Variants in DIRAS2 observed in about 807,000 individuals in gnomAD.
The protein encoded by DIRAS2 is GTP-binding protein Di-Ras2.
In DIRAS2, 5 loss-of-function variants were observed where a neutral mutation model predicts 13.9. That is an observed-to-expected ratio of 0.36 (90% confidence interval 0.19 to 0.76). The LOEUF (loss-of-function observed/expected upper bound fraction) is 0.76. DIRAS2 is among the 30% of genes least tolerant of loss of function. The pLI is 0.53. For synonymous variants in DIRAS2, 111 were observed against 105.4 expected, an observed-to-expected ratio of 1.05 and a Z score of -0.33; for missense variants, 191 against 263.0, an observed-to-expected ratio of 0.73 and a Z score of 1.89.
In DIRAS2 at chr9:90,613,711, C is replaced by T; in HGVS notation, c.117G>A (p.Thr39=). The part of the protein sequence containing the change: ...KGTFRESYIP[T]VEDTYRQVIS... ...TCACTTGCCGGTAGGTGTCTTCCAC[C>T]GTCGGGATGTAGCTCTCCCGGAATG... Residue 39 remains threonine (T), a synonymous_variant, in exon 2 of 2, where the codon ACG becomes ACA. Coordinates refer to ENST00000375765, the MANE Select transcript of DIRAS2 (RefSeq NM_017594.5). The surrounding 1 kb of genome is among the most constrained non-coding windows in gnomAD (Gnocchi z 5.6). 1 of 1,614,082 alleles carries T rather than the reference C, an allele frequency of 6.2e-7. No homozygotes were observed. The highest frequency in any genetic ancestry group is 1.1e-5 in the South Asian group (1 of 91,070).
chr9:90,628,661 T>G (rs56703823), intron 1 of DIRAS2, among the ~76,000 whole-genome samples: 15,469 of 152,004 alleles, frequency 0.1, 1,446 homozygotes, highest in African/African-American at 0.25. Context: ...TCCTCCCACC[T>G]TAGCATCCAC....
chr9:90,614,305 AATGT>A (rs1310820857), intron 1 of DIRAS2, among the ~76,000 whole-genome samples: 2 of 112,442 alleles, frequency 1.8e-5, no homozygotes, highest in African/African-American at 6.7e-5. Context: ...TGGTCATCAT[AATGT>A]GTGTGTGTGT....
chr9:90,614,451 A>G (rs141675536), intron 1 of DIRAS2, among the ~76,000 whole-genome samples: 1 of 152,134 alleles, frequency 6.6e-6, no homozygotes, highest in East Asian at 1.9e-4. Flanking sequence ...ACTCTGCAGG[A>G]GTTGGTGCCA....
intron 1 of DIRAS2, among the ~76,000 whole-genome samples, chr9:90,620,741 CAA>C (rs577185569): frequency 3.0e-5 from 4 of 132,138 alleles, no homozygotes; most frequent in Non-Finnish European, 1.6e-5. Context: ...TCCGCTGTCT[CAA>C]AAAAAAAAAG....
intron 1 of DIRAS2, among the ~76,000 whole-genome samples, chr9:90,614,494 C>A (rs1390353156): frequency 1.3e-5 from 2 of 152,064 alleles, no homozygotes; most frequent in South Asian, 2.1e-4. Context: ...AAACTGGAAA[C>A]AAGGAAGAGA....
intron 1 of DIRAS2, among the ~76,000 whole-genome samples, chr9:90,614,802 G>T (rs1175280190): frequency 6.6e-6 from 1 of 152,112 alleles, no homozygotes; most frequent in Non-Finnish European, 1.5e-5. Flanking sequence ...CTTTTTAAGG[G>T]TCATTAAAAA....
At chr9:90,625,771 C>A (rs1825262726) in intron 1 of DIRAS2, 1 of 152,138 alleles carries the variant, frequency 6.6e-6, no homozygotes, top group Non-Finnish European at 1.5e-5. Flanking sequence ...CTTTGTACTT[C>A]TTTTTCAAGA....
chr9:90,614,306 A>ATGTGTGTGTGTGTGTG (rs34548591), intron 1 of DIRAS2, among the ~76,000 whole-genome samples: 11 of 134,918 alleles, frequency 8.2e-5, no homozygotes, highest in Middle Eastern at 7.0e-3. Context: ...GGTCATCATA[A>ATGTGTGTGTGTGTGTG]TGTGTGTGTG....
intron 1 of DIRAS2, among the ~76,000 whole-genome samples, chr9:90,630,863 C>T (rs767892979): frequency 5.3e-5 from 8 of 152,172 alleles, no homozygotes; most frequent in Admixed American, 2.0e-4. Flanking sequence ...ATAGAGACAG[C>T]GTTTTGGAAA....
chr9:90,636,317 C>T (rs1198982262), intron 1 of DIRAS2, among the ~76,000 whole-genome samples: 1 of 152,038 alleles, frequency 6.6e-6, no homozygotes, highest in African/African-American at 2.4e-5. Flanking sequence ...GGATTATAGG[C>T]GTGAGCTACC....
intron 1 of DIRAS2, among the ~76,000 whole-genome samples, chr9:90,620,724 G>A (rs978421674): frequency 4.6e-5 from 7 of 151,650 alleles, no homozygotes; most frequent in African/African-American, 1.7e-4. Context: ...CTCTGACAGA[G>A]TGAGACTCCG....
intron 1 of DIRAS2, among the ~76,000 whole-genome samples, chr9:90,625,085 T>C (rs1488745967): frequency 2.0e-5 from 3 of 152,262 alleles, no homozygotes; most frequent in Admixed American, 1.3e-4. Context: ...CAATGACCGA[T>C]GCAGCATGCT....
chr9:90,613,525 G>A lies in DIRAS2; in HGVS notation c.303C>T (p.Tyr101=). The change falls in exon 2 of 2, where the codon TAC becomes TAT. Residue 101 remains tyrosine, a synonymous_variant. Coordinates refer to ENST00000375765, the MANE Select transcript of DIRAS2 (RefSeq NM_017594.5). The surrounding 1 kb of genome is among the most constrained non-coding windows in gnomAD (Gnocchi z 5.6). ...RQSLEELKPI[Y]EQICEIKGDV... Reference sequence around the variant, plus strand: ...CCCCTTTGATCTCGCAGATTTGTTCGTAGATGGGCTTGAGCTCCTCCAAGG... The same window carrying A: ...CCCCTTTGATCTCGCAGATTTGTTCATAGATGGGCTTGAGCTCCTCCAAGG... 2.5e-6 allele frequency: 4 copies of A among 1,614,090 alleles called. No individual in the cohort carries two copies. Among genetic ancestry groups the A allele is most frequent in the Non-Finnish European group, 3.4e-6 (4 of 1,180,026 alleles).
At position 90,613,484 on chromosome 9, in the gene DIRAS2, G is replaced by A; in HGVS notation, c.344C>T (p.Pro115Leu). 1 of 1,614,020 alleles carries A rather than the reference G, an allele frequency of 6.2e-7. No individual in the cohort carries two copies. The highest frequency in any genetic ancestry group is 8.5e-7 in the Non-Finnish European group (1 of 1,179,998). ...CEIKGDVESI[P>L]IMLVGNKCDE... ...ACACTTGTTCCCCACCAGCATGATGGGGATGCTCTCCACGTCCCCTTTGAT... is the reference window on the plus strand; with the variant it reads ...ACACTTGTTCCCCACCAGCATGATGAGGATGCTCTCCACGTCCCCTTTGAT... Residue 115 changes from proline (P) to leucine (L), a missense_variant, in exon 2 of 2, where the codon CCC becomes CTC. Physicochemically the swap from Pro to Leu is moderately conservative, Grantham distance 98. Transcript: ENST00000375765. The surrounding 1 kb of genome is among the most constrained non-coding windows in gnomAD (Gnocchi z 5.6).
chr9:90,622,483 T>C (rs1280513518), intron 1 of DIRAS2, among the ~76,000 whole-genome samples: 3 of 151,276 alleles, frequency 2.0e-5, no homozygotes, highest in African/African-American at 7.3e-5. Context: ...TTCCTCTAAC[T>C]CTTAGCTGCC....
In DIRAS2 at chr9:90,617,670, T is replaced by C. The variant is rs551610239; in HGVS notation, c.-36-3807A>G. Among the ~76,000 whole-genome samples, 226 of 152,254 alleles carry C rather than the reference T, an allele frequency of 1.5e-3. 2 individuals are homozygous for C. Among genetic ancestry groups the C allele is most frequent in the Non-Finnish European group, 1.9e-3 (126 of 68,014 alleles). On this transcript the variant is annotated intron_variant, in intron 1 of 1. Coordinates refer to ENST00000375765, the MANE Select transcript of DIRAS2 (RefSeq NM_017594.5). ...ATAAGGGGTTCATAAAGGAGCAGTA[T>C]GATGGACAAGGAGAAAAATTCACAA...
At chr9:90,624,219 G>A (rs1825247329) in intron 1 of DIRAS2, among the ~76,000 whole-genome samples, 2 of 152,154 alleles carry the variant, frequency 1.3e-5, no homozygotes, top group African/African-American at 4.8e-5. Flanking sequence ...CTTTAGGTAG[G>A]AAAGTGTACT....
At chr9:90,628,555 AT>A (rs933909516) in intron 1 of DIRAS2, among the ~76,000 whole-genome samples, 16 of 149,320 alleles carry the variant, frequency 1.1e-4, no homozygotes, top group African/African-American at 3.7e-4. Flanking sequence ...ACACACACGT[AT>A]TTTTTTTGAG....
rs758782883 is a variant in DIRAS2, at chr9:90,613,556, C to T, written c.272G>A (p.Arg91Gln). ...AFILVYSITS[R>Q]QSLEELKPIY... ...GGGCTTGAGCTCCTCCAAGGACTGTCGGCTGGTAATGGAGTACACCAGGAT... is the reference window on the plus strand; with the variant it reads ...GGGCTTGAGCTCCTCCAAGGACTGTTGGCTGGTAATGGAGTACACCAGGAT... Residue 91 changes from arginine (R) to glutamine (Q), a missense_variant, in exon 2 of 2, where the codon CGA (arginine) becomes CAA (glutamine). Transcript: ENST00000375765. The surrounding 1 kb of genome is among the most constrained non-coding windows in gnomAD (Gnocchi z 5.6). 3.7e-6 allele frequency: 6 copies of T among 1,614,030 alleles called. No individual in the cohort carries two copies. Among genetic ancestry groups the T allele is most frequent in the Admixed American group, 1.7e-5 (1 of 59,992 alleles).
Sources: gnomAD v4.1 joint callset for allele counts (sites outside exome capture counted in the v4.1 genomes callset) on GRCh38, gnomAD v4.1.1 for gene constraint, Gnocchi (gnomAD v3.1) non-coding constraint, MANE v1.5 for transcripts, NCBI Gene and HGNC (gene_info 2026-07-23, HGNC 2026-07-21) for gene names.